The following CDHR5 variants were observed in gnomAD, a reference collection of about 807,000 sequenced individuals.
The protein encoded by CDHR5 is cadherin related family member 5.
CDHR5 carries 82 observed loss-of-function variants against 69.5 expected under a neutral mutation model. The observed-to-expected ratio is 1.18, with a 90% CI of 0.99 to 1.42. CDHR5 has a LOEUF of 1.42. Among genes scored for constraint, CDHR5 ranks in the 40% most tolerant of loss-of-function variants. CDHR5 has a pLI of 0.00. For missense variants in CDHR5, 1,293 were observed against 1,168.9 expected, an observed-to-expected ratio of 1.11 and a Z score of -1.55; for synonymous variants, 601 against 510.2, an observed-to-expected ratio of 1.18 and a Z score of -2.40.
rs745736724 is a variant in CDHR5 at position 617,603 on chromosome 11, G to A, written c.2286C>T (p.Pro762=). The change falls in exon 15 of 15, where the codon CCC becomes CCT. Residue 762 remains proline (P), a synonymous_variant. Transcript: ENST00000397542. ...GGCTTCCGCCAGCTCGGGCCGCTGCGGGGGGCTCAGGGGCACCGCCTGGGG... is the reference window on the plus strand; with the variant it reads ...GGCTTCCGCCAGCTCGGGCCGCTGCAGGGGGCTCAGGGGCACCGCCTGGGG... The part of the protein sequence containing the change: ...PASPGGAPEP[P]AAARAGGSPT... 20 of 1,602,888 alleles carry A rather than the reference G, an allele frequency of 1.2e-5. No individual in the cohort carries two copies. Among genetic ancestry groups the A allele is most frequent in the South Asian group, 5.5e-5 (5 of 90,398 alleles).
chr11:619,277 TG>T, intron 12 of CDHR5, 28 bp downstream of exon 12: 1 of 1,547,152 alleles, frequency 6.5e-7, no homozygotes, highest in Non-Finnish European at 8.9e-7. Flanking sequence ...TGGAGAACCC[TG>T]GGGGCTCACC....
intron 12 of CDHR5, 43 bp from the exon 13 acceptor site, chr11:619,223 C>T (rs752691828): frequency 2.7e-6 from 4 of 1,472,976 alleles, no homozygotes; most frequent in African/African-American, 1.4e-5. Flanking sequence ...CTGCCCGCCC[C>T]TTGCACACCT....
chr11:620,281 C>A lies in CDHR5; in HGVS notation c.880+15G>T. 1 of 1,603,432 alleles carries A rather than the reference C, an allele frequency of 6.2e-7. No homozygotes were observed. ...AGGGGGTACAGGGCATTGTTGAGGG[C>A]TGGGCCCCACTCACCCCTAAAGATG... On this transcript the variant is annotated intron_variant, in intron 8 of 14. Coordinates refer to ENST00000397542, the MANE Select transcript of CDHR5 (RefSeq NM_021924.5).
At position 617,555 on chromosome 11, in the gene CDHR5, C is replaced by G. The variant is rs1857013270; in HGVS notation, c.2334G>C (p.Leu778=). 1.2e-6 allele frequency: 2 copies of G among 1,612,128 alleles called. No homozygotes were observed. The highest frequency in any genetic ancestry group is 2.7e-5 in the African/African-American group (2 of 74,904). Residue 778 remains leucine (L), a synonymous_variant, in exon 15 of 15, where the codon CTG becomes CTC. Coordinates refer to ENST00000397542, the MANE Select transcript of CDHR5 (RefSeq NM_021924.5). ...CGCCCTCCGGCCGCCGCTCCTTGGT[C>G]AGGATGGACCTCACCGCCGTGGGGC... is the stretch of plus-strand genomic sequence containing the variant. ...GGSPTAVRSI[L]TKERRPEGGY...
intron 13 of CDHR5, 60 bp downstream of exon 13, chr11:618,539 C>A: frequency 6.3e-7 from 1 of 1,586,164 alleles, no homozygotes; most frequent in South Asian, 1.1e-5. Flanking sequence ...CTTCCTACAG[C>A]GTTTCCCATA....
At position 621,942 on chromosome 11, in the gene CDHR5, C is replaced by T. The variant is rs1355996597; in HGVS notation, c.313-38G>A. The T allele has an allele frequency of 6.5e-7, 1 of 1,545,838 alleles. No individual in the cohort carries two copies. The highest frequency in any genetic ancestry group is 8.9e-7 in the Non-Finnish European group (1 of 1,123,984). On this transcript the variant is annotated intron_variant, in intron 3 of 14. Transcript: ENST00000397542. The surrounding 1 kb of genome is among the most constrained non-coding windows in gnomAD (Gnocchi z 4.4). ...GCCGTCAGCCTCTCCCACAGCCCCT[C>T]CCCGTTGTGAGGTGCACCCCTCGAC...
Position 619,058 on chromosome 11 carries a change from C to T in CDHR5, c.1501G>A (p.Gly501Ser). Residue 501 changes from glycine (G) to serine (S), a missense_variant, in exon 13 of 15, where the codon GGC (glycine) becomes AGC (serine). Gly to Ser is a moderately conservative substitution (Grantham distance 56, BLOSUM62 0). Coordinates refer to ENST00000397542, the MANE Select transcript of CDHR5 (RefSeq NM_021924.5). ...GTTGTGCCAGAGGGTGGATGAGGGC[C>T]TGTGCCTCCCCCAGAGCTGGTCGTG... ...PSTTSSGGGT[G>S]PHPPSGTTLR... 1.2e-5 allele frequency: 19 copies of T among 1,613,074 alleles called. No individual in the cohort carries two copies. The highest frequency in any genetic ancestry group is 1.5e-5 in the Non-Finnish European group (18 of 1,179,788).
At position 620,104 on chromosome 11, in the gene CDHR5, C is replaced by G. The variant is rs1324659786; in HGVS notation, c.941G>C (p.Ser314Thr). The change falls in exon 9 of 15, where the codon AGT becomes ACT. Residue 314 changes from serine (S) to threonine (T), a missense_variant. Physicochemically the swap from Ser to Thr is moderately conservative, Grantham distance 58 (BLOSUM62 1). Transcript: ENST00000397542. The part of the protein sequence containing the change: ...PDSGNLTVAR[S>T]VPSPMTFLLL... The stretch of plus-strand genomic sequence containing the variant: ...AAGGAAGGTCATGGGGCTGGGGACA[C>G]TCCTGGCCACGGTGAGGTTGCCCGA... 1 of 1,613,332 alleles carries G rather than the reference C, an allele frequency of 6.2e-7. No homozygotes were observed. The highest frequency in any genetic ancestry group is 8.5e-7 in the Non-Finnish European group (1 of 1,179,720).
At position 618,004 on chromosome 11, in the gene CDHR5, C is replaced by A; in HGVS notation, c.2068G>T (p.Val690Phe). 1.2e-6 allele frequency: 2 copies of A among 1,612,386 alleles called. No individual in the cohort carries two copies. The highest frequency in any genetic ancestry group is 2.2e-5 in the South Asian group (2 of 90,940). ...AGCCGGGGGCCATAGTGCTTGTGGACAAGGACGGCGAGGCCAAGGAGAGCC... is the reference window on the plus strand; with the variant it reads ...AGCCGGGGGCCATAGTGCTTGTGGAAAAGGACGGCGAGGCCAAGGAGAGCC... ...LLALLGLAVL[V>F]HKHYGPRLKC... The change falls in exon 14 of 15, where the codon GTC becomes TTC. Residue 690 changes from valine to phenylalanine, a missense_variant. Val to Phe is a conservative substitution (Grantham distance 50). Transcript: ENST00000397542.
chr11:619,016 A>G lies in CDHR5; in HGVS notation c.1543T>C (p.Ser515Pro). 6.2e-7 allele frequency: 1 copy of G among 1,612,146 alleles called. No individual in the cohort carries two copies. Among genetic ancestry groups the G allele is most frequent in the Non-Finnish European group, 8.5e-7 (1 of 1,179,366 alleles). ...CCCGGGGGCCCCCCGGGTGTGGACG[A>G]GGTTGGTGGCCTCAGAGTTGTGCCA... ...PSGTTLRPPT[S>P]STPGGPPGAE... The change falls in exon 13 of 15, where the codon TCG becomes CCG. Residue 515 changes from serine to proline, a missense_variant. Transcript: ENST00000397542.
At chr11:623,044 C>A (rs1857512570) in intron 3 of CDHR5, among the ~76,000 whole-genome samples, 1 of 151,988 alleles carries the variant, frequency 6.6e-6, no homozygotes, top group African/African-American at 2.4e-5. Context: ...CACGGTGGCT[C>A]ACACCTGTAA....
rs770983328 is a variant in CDHR5 at position 621,371 on chromosome 11, T to G, written c.592A>C (p.Asn198His). ...DRPLDFYERPNMTFWLLVRDT... is the reference protein window; with the variant it reads ...DRPLDFYERPHMTFWLLVRDT... ...CGCACCAGCAGCCAGAAGGTCATGT[T>G]CGGCCGCTCGTAGAAGTCCAGGGGC... Residue 198 changes from asparagine (N) to histidine (H), a missense_variant, in exon 6 of 15, where the codon AAC becomes CAC. Coordinates refer to ENST00000397542, the MANE Select transcript of CDHR5 (RefSeq NM_021924.5). This position sits in a 1 kb window ranked among gnomAD's most constrained non-coding sequence, Gnocchi z 4.4. 1.2e-6 allele frequency: 2 copies of G among 1,613,218 alleles called. No homozygotes were observed. Among genetic ancestry groups the G allele is most frequent in the South Asian group, 2.2e-5 (2 of 91,084 alleles).
At position 617,275 on chromosome 11, in the gene CDHR5, T is replaced by C; in HGVS notation, c.*76A>G. The stretch of plus-strand genomic sequence containing the variant: ...CCTGGGTTTCGGGAGCCTTGCTTTA[T>C]TCTGCCTCGGGTCGGAGGCTGGGGG... On this transcript the variant is annotated 3_prime_UTR_variant, in exon 15 of 15. Coordinates refer to ENST00000397542, the MANE Select transcript of CDHR5 (RefSeq NM_021924.5). 8.2e-7 allele frequency: 1 copy of C among 1,226,972 alleles called. No homozygotes were observed. Among genetic ancestry groups the C allele is most frequent in the Non-Finnish European group, 1.1e-6 (1 of 871,966 alleles). The allele number at this position is 1,226,972 out of a possible 1,614,324, so 76.0% of individuals were successfully genotyped here.
chr11:619,643 C>T, intron 10 of CDHR5, 38 bp downstream of exon 10: 1 of 1,610,436 alleles, frequency 6.2e-7, no homozygotes, highest in Non-Finnish European at 8.5e-7. Flanking sequence ...ACAGCCCTGA[C>T]CCACCCACAG....
chr11:621,759 A>C lies in CDHR5; in HGVS notation c.405+53T>G. Reference sequence around the variant, plus strand: ...CGGCCACCACTCACCTCCTGCCCTCACCCTGGGCTCCCACACCCCCGTGCC... The same window carrying C: ...CGGCCACCACTCACCTCCTGCCCTCCCCCTGGGCTCCCACACCCCCGTGCC... On this transcript the variant is annotated intron_variant, in intron 4 of 14. Coordinates refer to ENST00000397542, the MANE Select transcript of CDHR5 (RefSeq NM_021924.5). The surrounding 1 kb of genome is among the most constrained non-coding windows in gnomAD (Gnocchi z 4.4). 6.4e-7 allele frequency: 1 copy of C among 1,565,056 alleles called. No homozygotes were observed. Among genetic ancestry groups the C allele is most frequent in the South Asian group, 1.1e-5 (1 of 89,518 alleles).
rs1250043623 is a variant in CDHR5 at position 619,688 on chromosome 11, T to C, written c.1172A>G (p.Glu391Gly). The stretch of plus-strand genomic sequence containing the variant: ...CTTGGATGCACTCTCTACCGAGAAC[T>C]CCGGGTCCTGAGCCTGGATCCTCAG... Reference protein sequence around the residue: ...QPLRIQAQDPEFSDLNSAITY... With the variant: ...QPLRIQAQDPGFSDLNSAITY... Residue 391 changes from glutamate to glycine, a missense_variant, in exon 10 of 15, where the codon GAG (glutamate) becomes GGG (glycine). Coordinates refer to ENST00000397542, the MANE Select transcript of CDHR5 (RefSeq NM_021924.5). 1.2e-6 allele frequency: 2 copies of C among 1,613,350 alleles called. No homozygotes were observed. Among genetic ancestry groups the C allele is most frequent in the East Asian group, 2.2e-5 (1 of 44,874 alleles).
rs2740373 is a variant in CDHR5 at position 621,634 on chromosome 11, G to C, written c.435C>G (p.Pro145=). 1 of 1,613,296 alleles carries C rather than the reference G, an allele frequency of 6.2e-7. No individual in the cohort carries two copies. Among genetic ancestry groups the C allele is most frequent in the South Asian group, 1.1e-5 (1 of 91,064 alleles). Residue 145 remains proline, a synonymous_variant, in exon 5 of 15, where the codon CCC becomes CCG. Coordinates refer to ENST00000397542, the MANE Select transcript of CDHR5 (RefSeq NM_021924.5). This position sits in a 1 kb window ranked among gnomAD's most constrained non-coding sequence, Gnocchi z 4.4. ...EDTKVNSTVI[P]ETQLQAEDRD... ...GGTCCTCAGCCTGCAGTTGCGTCTC[G>C]GGGATGACGGTGGAGTTCACTTTCG...
chr11:621,151 A>G lies in CDHR5; in HGVS notation c.718T>C (p.Cys240Arg). The change falls in exon 7 of 15, where the codon TGC becomes CGC. Residue 240 changes from cysteine (C) to arginine (R), a missense_variant. Coordinates refer to ENST00000397542, the MANE Select transcript of CDHR5 (RefSeq NM_021924.5). This position sits in a 1 kb window ranked among gnomAD's most constrained non-coding sequence, Gnocchi z 4.4. ...CAGACGTAGCCATCTGAGAAGGTGCAGGGCAGGAACCACGGGGGCCGCAGG... is the reference window on the plus strand; with the variant it reads ...CAGACGTAGCCATCTGAGAAGGTGCGGGGCAGGAACCACGGGGGCCGCAGG... ...ADLRPPWFLPCTFSDGYVCIQ... is the reference protein window; with the variant it reads ...ADLRPPWFLPRTFSDGYVCIQ... 6.2e-7 allele frequency: 1 copy of G among 1,602,766 alleles called. No individual in the cohort carries two copies. The highest frequency in any genetic ancestry group is 8.5e-7 in the Non-Finnish European group (1 of 1,174,080).
chr11:624,013 C>G lies in CDHR5; in HGVS notation c.312+200G>C, dbSNP rs1260202198. ...GTCTTGGGCACACTGGATGGGGTGTCTGCTGGACAAGGGGTCAGTGACGGG... is the reference window on the plus strand; with the variant it reads ...GTCTTGGGCACACTGGATGGGGTGTGTGCTGGACAAGGGGTCAGTGACGGG... On this transcript the variant is annotated intron_variant, in intron 3 of 14. Transcript: ENST00000397542. The surrounding 1 kb of genome is among the most constrained non-coding windows in gnomAD (Gnocchi z 5.3). Among the ~76,000 whole-genome samples the G allele has an allele frequency of 6.6e-6, 1 of 152,030 alleles. No individual in the cohort carries two copies.
Sources: allele counts gnomAD v4.1 joint callset (sites outside exome capture counted in the v4.1 genomes callset), GRCh38; gene constraint gnomAD v4.1.1; non-coding constraint Gnocchi (gnomAD v3.1); transcripts MANE v1.5; gene names NCBI Gene and HGNC (gene_info 2026-07-23, HGNC 2026-07-21).